Variants in GRIA1 observed in about 807,000 individuals in gnomAD.
The protein encoded by GRIA1 is glutamate receptor 1.
In GRIA1, 31 loss-of-function variants were observed where a neutral mutation model predicts 99.2. That is an observed-to-expected ratio of 0.31 (90% CI 0.23 to 0.42). The LOEUF is 0.42. Ranked by LOEUF, GRIA1 falls within the 10% of genes least tolerant of loss-of-function variation. The probability of loss-of-function intolerance (pLI) is 1.00; values close to 1 mark genes in which losing one functional copy is unlikely to be tolerated. For missense variants in GRIA1, 782 were observed against 1,157.5 expected (o/e 0.68, Z 4.71); for synonymous variants, 438 against 432.4 (o/e 1.01, Z -0.16).
intron 2 of GRIA1, among the ~76,000 whole-genome samples, chr5:153,541,916 G>A (rs1293345826): frequency 9.0e-6 from 1 of 111,470 alleles, no homozygotes; most frequent in African/African-American, 3.2e-5. Flanking sequence ...GTGACAGAAC[G>A]AGATCCTGTT....
intron 2 of GRIA1, among the ~76,000 whole-genome samples, chr5:153,574,918 A>C (rs1762403173): frequency 2.0e-5 from 3 of 152,178 alleles, no homozygotes; most frequent in South Asian, 4.2e-4. Context: ...AAACTATGAG[A>C]TTTCTACCTG....
intron 2 of GRIA1, among the ~76,000 whole-genome samples, chr5:153,620,206 A>G (rs1156937832): frequency 6.6e-6 from 1 of 152,220 alleles, no homozygotes; most frequent in African/African-American, 2.4e-5. Flanking sequence ...TGAATATTGT[A>G]CATGCCGAAA....
At chr5:153,581,542 T>C (rs1763041766) in intron 2 of GRIA1, among the ~76,000 whole-genome samples, 1 of 152,100 alleles carries the variant, frequency 6.6e-6, no homozygotes, top group Admixed American at 6.6e-5. Flanking sequence ...CACCACTCTT[T>C]TCTAAGATAT....
intron 2 of GRIA1, among the ~76,000 whole-genome samples, chr5:153,619,613 T>A (rs141918431): frequency 1.4e-3 from 218 of 152,076 alleles, no homozygotes; most frequent in African/African-American, 5.0e-3. Flanking sequence ...CAGCAAGCAA[T>A]GAGGACTAGC....
intron 1 of GRIA1, among the ~76,000 whole-genome samples, chr5:153,492,580 G>A (rs1334703044): frequency 1.3e-5 from 2 of 152,132 alleles, no homozygotes; most frequent in Non-Finnish European, 2.9e-5. Context: ...CTTACATGTG[G>A]CATTGTTTAC....
chr5:153,589,232 A>T (rs1763753522), intron 2 of GRIA1, among the ~76,000 whole-genome samples: 1 of 152,126 alleles, frequency 6.6e-6, no homozygotes, highest in Admixed American at 6.5e-5. Context: ...TTAAAATATT[A>T]TATATGATCC....
intron 13 of GRIA1, among the ~76,000 whole-genome samples, chr5:153,772,870 A>C (rs1763972788): frequency 1.3e-5 from 2 of 152,218 alleles, no homozygotes; most frequent in South Asian, 4.1e-4. Context: ...TGAGTCAAGG[A>C]CATCCACATA....
chr5:153,490,223 C>A, upstream of GRIA1: 1 of 180,628 alleles, frequency 5.5e-6, no homozygotes, highest in Non-Finnish European at 1.2e-5. Context: ...CTAGATCAAG[C>A]AGCTGGTGGA....
chr5:153,739,511 C>CTAGG (rs1199196762), intron 11 of GRIA1, among the ~76,000 whole-genome samples: 1 of 152,138 alleles, frequency 6.6e-6, no homozygotes, highest in Non-Finnish European at 1.5e-5. Context: ...TGAGGACAGG[C>CTAGG]TAGGCTCCCA....
In GRIA1 at chr5:153,647,050, G is replaced by A. The variant is rs754902232; in HGVS notation, c.343G>A (p.Val115Ile). 3.9e-5 allele frequency: 63 copies of A among 1,613,894 alleles called. No individual in the cohort carries two copies. Among genetic ancestry groups the A allele is most frequent in the Middle Eastern group, 1.7e-4 (1 of 6,060 alleles). ...HVCFITPSFP[V>I]DTSNQFVLQL... ...CTGCTTCATTACGCCGAGCTTTCCC[G>A]TTGATACATCCAATCAGTTTGTCCT... The change falls in exon 3 of 16, where the codon GTT becomes ATT. Residue 115 changes from valine (V) to isoleucine (I), a missense_variant. Val to Ile is a conservative substitution (Grantham distance 29). This residue lies in a region of GRIA1 where 461 missense variants were observed against 521.7 expected (regional missense o/e 0.88). Transcript: ENST00000285900.
At chr5:153,643,980 T>C (rs1488834321) in intron 2 of GRIA1, among the ~76,000 whole-genome samples, 2 of 152,108 alleles carry the variant, frequency 1.3e-5, no homozygotes, top group Non-Finnish European at 2.9e-5. Flanking sequence ...TGAAACCAAG[T>C]AGGTGACATG....
chr5:153,673,903 T>C (rs1756380198), intron 5 of GRIA1, among the ~76,000 whole-genome samples: 1 of 152,160 alleles, frequency 6.6e-6, no homozygotes, highest in Non-Finnish European at 1.5e-5. Context: ...AAATTTACCC[T>C]GTTGTATGGA....
At chr5:153,539,597 G>T (rs368642801) in intron 2 of GRIA1, among the ~76,000 whole-genome samples, 1 of 152,162 alleles carries the variant, frequency 6.6e-6, no homozygotes, top group African/African-American at 2.4e-5. Flanking sequence ...GTAGAATGAG[G>T]TTGGTTAGTT....
chr5:153,812,309 A>T lies in GRIA1; in HGVS notation c.*1084A>T, dbSNP rs1766870371. Reference sequence around the variant, plus strand: ...GCAAGCTAAGTGTAAAAGAAAAGTGACAGAATAATTTTGGAAGAGGAAGCC... The same window carrying T: ...GCAAGCTAAGTGTAAAAGAAAAGTGTCAGAATAATTTTGGAAGAGGAAGCC... On this transcript the variant is annotated 3_prime_UTR_variant, in exon 16 of 16. Coordinates refer to ENST00000285900, the MANE Select transcript of GRIA1 (RefSeq NM_000827.4). The T allele has an allele frequency of 2.0e-5, 3 of 152,198 alleles. No homozygotes were observed. 9.4% of individuals were successfully genotyped at this position (152,198 alleles called of 1,614,324 possible).
chr5:153,799,680 T>C (rs1027177280), intron 14 of GRIA1, among the ~76,000 whole-genome samples: 2 of 152,158 alleles, frequency 1.3e-5, no homozygotes, highest in African/African-American at 4.8e-5. Flanking sequence ...TAAACAGTGA[T>C]CAATGACATT....
intron 11 of GRIA1, among the ~76,000 whole-genome samples, chr5:153,744,849 A>G (rs776687669): frequency 3.9e-5 from 6 of 152,238 alleles, no homozygotes; most frequent in Non-Finnish European, 7.3e-5. Flanking sequence ...AACAATGAAT[A>G]GGAGGAAAGC....
chr5:153,711,222 T>G (rs547461343), intron 11 of GRIA1, among the ~76,000 whole-genome samples: 2 of 152,274 alleles, frequency 1.3e-5, no homozygotes, highest in Admixed American at 1.3e-4. Flanking sequence ...AGGATTGATT[T>G]GCATGCTAAA....
intron 11 of GRIA1, among the ~76,000 whole-genome samples, chr5:153,756,918 C>T (rs1284089710): frequency 6.6e-6 from 1 of 152,130 alleles, no homozygotes; most frequent in African/African-American, 2.4e-5. Flanking sequence ...CATACATCCA[C>T]AAGCATTAAG....
chr5:153,632,155 G>A (rs1365014916), intron 2 of GRIA1, among the ~76,000 whole-genome samples: 4 of 152,086 alleles, frequency 2.6e-5, no homozygotes, highest in Non-Finnish European at 4.4e-5. Context: ...GGATGAGAAC[G>A]GAAAAAGGGA....
Sources: allele counts gnomAD v4.1 joint callset (sites outside exome capture counted in the v4.1 genomes callset), GRCh38; gene constraint gnomAD v4.1.1; regional missense constraint gnomAD v4.1.1; transcripts MANE v1.5; gene names NCBI Gene and HGNC (gene_info 2026-07-23, HGNC 2026-07-21).